The following MAN1C1 variants were observed in gnomAD, a reference collection of about 807,000 sequenced individuals.
MAN1C1 encodes the protein mannosyl-oligosaccharide 1,2-alpha-mannosidase IC.
A neutral mutation model predicts 71.5 loss-of-function variants in MAN1C1; 49 were observed. That is an observed-to-expected ratio of 0.69 (90% confidence interval 0.54 to 0.87). The LOEUF (loss-of-function observed/expected upper bound fraction) is 0.87. MAN1C1 is among the 40% of genes least tolerant of loss of function. MAN1C1 has a pLI of 0.00. For missense variants in MAN1C1, 743 were observed against 835.0 expected (o/e 0.89, Z 1.36); for synonymous variants, 352 against 343.7 (o/e 1.02, Z -0.27).
chr1:25,719,698 G>C (rs2046737704), intron 2 of MAN1C1, among the ~76,000 whole-genome samples: 1 of 152,084 alleles, frequency 6.6e-6, no homozygotes, highest in Admixed American at 6.6e-5. Flanking sequence ...AAAGTGCTGG[G>C]ATTATAGGTG....
chr1:25,696,523 C>A (rs533441733), intron 2 of MAN1C1, among the ~76,000 whole-genome samples: 19 of 152,254 alleles, frequency 1.2e-4, no homozygotes, highest in African/African-American at 4.6e-4. Flanking sequence ...CATATAGTTA[C>A]CTCTGTGTAA....
intron 2 of MAN1C1, among the ~76,000 whole-genome samples, chr1:25,705,962 T>TA (rs2046516105): frequency 6.6e-6 from 1 of 152,130 alleles, no homozygotes; most frequent in African/African-American, 2.4e-5. Context: ...AATAAATAAA[T>TA]AATCTATTGA....
intron 2 of MAN1C1, among the ~76,000 whole-genome samples, chr1:25,734,431 A>G (rs1191862728): frequency 1.3e-5 from 2 of 152,218 alleles, no homozygotes; most frequent in Non-Finnish European, 2.9e-5. Context: ...ACCTGGCCCA[A>G]TGATAGAGTT....
rs141296831 is a variant in MAN1C1 at position 25,733,508 on chromosome 1, G to A, written c.638-13160G>A. Among the ~76,000 whole-genome samples the A allele has an allele frequency of 3.0e-4, 46 of 152,084 alleles. No individual in the cohort carries two copies. The East Asian group carries it at 7.9e-3, about 26-fold the overall frequency. On this transcript the variant is annotated intron_variant, in intron 2 of 11. Coordinates refer to ENST00000374332, the MANE Select transcript of MAN1C1 (RefSeq NM_020379.4). Reference sequence around the variant, plus strand: ...CTGGGCCTCCTTCAAGCCTCTGCCCGAACGCTGCCCATCTCCTGGCTGTGC... The same window carrying A: ...CTGGGCCTCCTTCAAGCCTCTGCCCAAACGCTGCCCATCTCCTGGCTGTGC...
At chr1:25,729,570 G>A (rs568301947) in intron 2 of MAN1C1, among the ~76,000 whole-genome samples, 7 of 151,620 alleles carry the variant, frequency 4.6e-5, no homozygotes, top group Non-Finnish European at 1.0e-4. Context: ...GGAGTGCAAT[G>A]GCATGATCTC....
rs1176323665 is a variant in MAN1C1 at position 25,780,953 on chromosome 1, G to T, written c.1491G>T (p.Gly497=). ...ESYARSDTKL[G]PEAFWFNSGR... ...CTGTTTCCCCAGACACCAAACTTGG[G>T]CCTGAGGCCTTCTGGTTTAACTCCG... The change falls in exon 10 of 12, where the codon GGG becomes GGT. Residue 497 remains glycine, a synonymous_variant. Coordinates refer to ENST00000374332, the MANE Select transcript of MAN1C1 (RefSeq NM_020379.4). The T allele has an allele frequency of 6.2e-7, 1 of 1,613,944 alleles. No individual in the cohort carries two copies. The highest frequency in any genetic ancestry group is 2.2e-5 in the East Asian group (1 of 44,894).
intron 1 of MAN1C1, among the ~76,000 whole-genome samples, chr1:25,652,190 G>GC (rs368848829): frequency 1.1e-4 from 16 of 152,372 alleles, no homozygotes; most frequent in African/African-American, 3.8e-4. Flanking sequence ...CCTTCCTGCT[G>GC]CCGCATGTCA....
At chr1:25,700,271 C>T (rs895764272) in intron 2 of MAN1C1, among the ~76,000 whole-genome samples, 20 of 152,128 alleles carry the variant, frequency 1.3e-4, no homozygotes, top group African/African-American at 4.8e-4. Flanking sequence ...ATTTAGGACC[C>T]GGAGGAGAGG....
chr1:25,777,288 G>A (rs993592656), intron 8 of MAN1C1, among the ~76,000 whole-genome samples: 3 of 152,172 alleles, frequency 2.0e-5, no homozygotes, highest in African/African-American at 7.2e-5. Flanking sequence ...ACCAGCCCAT[G>A]GAGTCTGGCC....
intron 1 of MAN1C1, among the ~76,000 whole-genome samples, chr1:25,625,491 A>G (rs1172981374): frequency 2.0e-5 from 3 of 152,090 alleles, no homozygotes; most frequent in East Asian, 3.9e-4. Flanking sequence ...ATTAGCTGAG[A>G]TTAGTTTTGC....
At chr1:25,705,269 G>T (rs1413001795) in intron 2 of MAN1C1, among the ~76,000 whole-genome samples, 5 of 152,198 alleles carry the variant, frequency 3.3e-5, no homozygotes, top group Non-Finnish European at 7.4e-5. Flanking sequence ...TGAAAAAAAG[G>T]AAGAAAGGAA....
At chr1:25,651,926 G>T (rs1029406391) in intron 1 of MAN1C1, among the ~76,000 whole-genome samples, 10 of 152,194 alleles carry the variant, frequency 6.6e-5, no homozygotes, top group South Asian at 2.1e-4. Context: ...ATGGGTGCTT[G>T]TGAATGAGGA....
chr1:25,686,395 G>C, intron 1 of MAN1C1, 45 bp from the exon 2 acceptor site: 1 of 1,551,330 alleles, frequency 6.4e-7, no homozygotes. Context: ...CGCACTGCCA[G>C]GAATCGTCAC....
intron 2 of MAN1C1, chr1:25,709,937 G>C (rs948735280): frequency 3.3e-5 from 5 of 152,088 alleles, no homozygotes; most frequent in African/African-American, 7.2e-5. Context: ...GTAGAGACAG[G>C]GTTTCACTGT....
chr1:25,704,257 T>C (rs1052679139), intron 2 of MAN1C1, among the ~76,000 whole-genome samples: 2 of 152,236 alleles, frequency 1.3e-5, no homozygotes, highest in African/African-American at 4.8e-5. Context: ...TGGACTTGTG[T>C]TTCTGTCTTT....
chr1:25,736,865 C>T (rs1347647275), intron 2 of MAN1C1, among the ~76,000 whole-genome samples: 1 of 152,190 alleles, frequency 6.6e-6, no homozygotes, highest in African/African-American at 2.4e-5. Flanking sequence ...GAGGTCAAGT[C>T]AGTTGCCCAA....
intron 1 of MAN1C1, among the ~76,000 whole-genome samples, chr1:25,638,870 G>C (rs1470708271): frequency 6.6e-6 from 1 of 151,916 alleles, no homozygotes; most frequent in African/African-American, 2.4e-5. Context: ...CTTTCTTGGG[G>C]TTTCTTGAGC....
At position 25,778,042 on chromosome 1, in the gene MAN1C1, TCCC is replaced by T; in HGVS notation, c.1258-58_1258-56del. 1 of 1,255,606 alleles carries T rather than the reference TCCC, an allele frequency of 8.0e-7. No homozygotes were observed. The highest frequency in any genetic ancestry group is 1.5e-5 in the South Asian group (1 of 66,680). The allele number at this position is 1,255,606 out of a possible 1,614,324, so 77.8% of individuals were successfully genotyped here. On this transcript the variant is annotated intron_variant, in intron 8 of 11. Coordinates refer to ENST00000374332, the MANE Select transcript of MAN1C1 (RefSeq NM_020379.4). This position sits in a 1 kb window ranked among gnomAD's most constrained non-coding sequence, Gnocchi z 5.5. The stretch of plus-strand genomic sequence containing the variant: ...TCCAAAATGTTCATTTTCCATCCTT[TCCC>T]CCCCTTCTCTGTGCCCTCCCACGCC...
chr1:25,740,150 A>C (rs1036278571), intron 2 of MAN1C1, among the ~76,000 whole-genome samples: 19 of 152,126 alleles, frequency 1.2e-4, no homozygotes, highest in African/African-American at 3.6e-4. Flanking sequence ...GGCTGGGGAA[A>C]ACCAGAGAAG....
Sources: allele counts gnomAD v4.1 joint callset (sites outside exome capture counted in the v4.1 genomes callset), GRCh38; gene constraint gnomAD v4.1.1; non-coding constraint Gnocchi (gnomAD v3.1); transcripts MANE v1.5; gene names NCBI Gene and HGNC (gene_info 2026-07-23, HGNC 2026-07-21).